The following CDH18 variants were observed in gnomAD, a reference collection of about 807,000 sequenced individuals.
CDH18 encodes the protein cadherin 18.
Under a neutral mutation model 67.9 loss-of-function variants are expected in CDH18, and 31 were observed. The observed-to-expected ratio is 0.46, with a 90% CI of 0.34 to 0.62. CDH18 has a LOEUF of 0.62. Among genes scored for constraint, CDH18 ranks in the 20% least tolerant of loss-of-function variants. CDH18 has a pLI of 0.01. For missense variants in CDH18, 890 were observed against 975.5 expected, an observed-to-expected ratio of 0.91 and a Z score of 1.17; for synonymous variants, 362 against 347.2, an observed-to-expected ratio of 1.04 and a Z score of -0.48.
intron 3 of CDH18, among the ~76,000 whole-genome samples, chr5:19,837,593 A>C (rs1456028989): frequency 1.3e-5 from 2 of 152,008 alleles, no homozygotes; most frequent in African/African-American, 4.8e-5. Context: ...AATATGATAC[A>C]ATTGTTTTAG....
intron 5 of CDH18, among the ~76,000 whole-genome samples, chr5:19,642,894 G>A (rs987546107): frequency 1.3e-5 from 2 of 152,042 alleles, no homozygotes; most frequent in Non-Finnish European, 2.9e-5. Flanking sequence ...CTTAGGGAAT[G>A]TGAGAAAATA....
intron 1 of CDH18, among the ~76,000 whole-genome samples, chr5:20,430,556 T>C (rs1469307428): frequency 6.6e-6 from 1 of 152,204 alleles, no homozygotes; most frequent in East Asian, 1.9e-4. Context: ...GGTATAAAAA[T>C]GTCTCCCTAT....
At chr5:19,727,192 C>T (rs977369861) in intron 4 of CDH18, among the ~76,000 whole-genome samples, 10 of 152,114 alleles carry the variant, frequency 6.6e-5, no homozygotes, top group Admixed American at 3.3e-4. Context: ...AAATCATATC[C>T]TCCCAAATTG....
chr5:19,698,707 T>C lies in CDH18; in HGVS notation c.643+22640A>G, dbSNP rs368858910. The stretch of plus-strand genomic sequence containing the variant: ...GAATTAAAAATAAAAATAATATGTA[T>C]ACATAAATGACACCTTTGAAAAGGG... On this transcript the variant is annotated intron_variant, in intron 5 of 12. Transcript: ENST00000382275. 2.0e-5 allele frequency among the ~76,000 whole-genome samples: 3 copies of C among 151,970 alleles called. No homozygotes were observed. The South Asian group carries it at 6.2e-4, about 31-fold the overall frequency.
intron 1 of CDH18, among the ~76,000 whole-genome samples, chr5:20,309,777 A>G (rs1736825705): frequency 6.6e-6 from 1 of 152,230 alleles, no homozygotes; most frequent in South Asian, 2.1e-4. Context: ...AAATGATTTT[A>G]AAATATGTAG....
intron 11 of CDH18, among the ~76,000 whole-genome samples, chr5:19,497,132 G>C (rs1312986483): frequency 2.0e-5 from 3 of 148,990 alleles, no homozygotes; most frequent in Non-Finnish European, 4.5e-5. Flanking sequence ...CCCCCACCAG[G>C]ACAAAAAAAA....
intron 3 of CDH18, among the ~76,000 whole-genome samples, chr5:19,767,837 A>C (rs1188664891): frequency 3.3e-5 from 5 of 152,194 alleles, no homozygotes; most frequent in Non-Finnish European, 7.4e-5. Flanking sequence ...GAAATTGACC[A>C]AAATCTTGCA....
At chr5:19,656,382 T>C (rs1179333819) in intron 5 of CDH18, among the ~76,000 whole-genome samples, 2 of 152,130 alleles carry the variant, frequency 1.3e-5, no homozygotes, top group Non-Finnish European at 2.9e-5. Context: ...GTAATTTTTG[T>C]AGTAGATAGA....
chr5:19,728,766 T>G (rs140748536), intron 4 of CDH18, among the ~76,000 whole-genome samples: 1 of 152,282 alleles, frequency 6.6e-6, no homozygotes, highest in African/African-American at 2.4e-5. Context: ...AATAAGAACT[T>G]TGAGTAAAAA....
chr5:19,571,002 T>C (rs1262632183), intron 8 of CDH18, among the ~76,000 whole-genome samples: 2 of 152,236 alleles, frequency 1.3e-5, no homozygotes, highest in Admixed American at 6.5e-5. Context: ...TCAGAGTTTT[T>C]TGCACCCTAT....
chr5:19,761,180 T>C (rs1772293334), intron 3 of CDH18, among the ~76,000 whole-genome samples: 1 of 152,154 alleles, frequency 6.6e-6, no homozygotes. Flanking sequence ...TTTTCCGCAA[T>C]TTCAGCTGTT....
chr5:20,172,904 C>T lies in CDH18; in HGVS notation c.-518+82540G>A, dbSNP rs1045035197. ...ACTCAGGAGGCTGAGACAGGAGAAA[C>T]GTTTGAACCCGAGAGGCGGAGGTTG... On this transcript the variant is annotated intron_variant, in intron 2 of 14. Coordinates refer to the CDH18 transcript ENST00000507958. Among the ~76,000 whole-genome samples, 84 of 151,434 alleles carry T rather than the reference C, an allele frequency of 5.5e-4. 1 individual carries two copies. Among genetic ancestry groups the T allele is most frequent in the African/African-American group, 1.9e-3 (78 of 41,268 alleles).
chr5:19,540,192 A>AG (rs1278243129), intron 9 of CDH18, among the ~76,000 whole-genome samples: 6 of 152,128 alleles, frequency 3.9e-5, no homozygotes, highest in Admixed American at 3.9e-4. Flanking sequence ...GAAATCCAGC[A>AG]GGGCAGTCAA....
chr5:20,270,506 A>G (rs528344462), intron 1 of CDH18, among the ~76,000 whole-genome samples: 1 of 152,214 alleles, frequency 6.6e-6, no homozygotes, highest in East Asian at 1.9e-4. Flanking sequence ...GGTTGTGGAG[A>G]AAAAAGGAAT....
intron 2 of CDH18, among the ~76,000 whole-genome samples, chr5:19,873,890 C>T (rs1395393851): frequency 6.6e-6 from 1 of 152,086 alleles, no homozygotes; most frequent in Non-Finnish European, 1.5e-5. Context: ...TCAGGGAATC[C>T]GCCCACCTCG....
At chr5:19,605,620 C>T (rs1254849498) in intron 6 of CDH18, among the ~76,000 whole-genome samples, 1 of 151,930 alleles carries the variant, frequency 6.6e-6, no homozygotes, top group Non-Finnish European at 1.5e-5. Context: ...TATAAAACAA[C>T]TCTAAAAGAT....
At position 20,081,037 on chromosome 5, in the gene CDH18, C is replaced by T. The variant is rs371251191; in HGVS notation, c.-517-89023G>A. On this transcript the variant is annotated intron_variant, in intron 2 of 14. Coordinates refer to the CDH18 transcript ENST00000507958. ...AAGATTTTTTATTTAATTACTATCA[C>T]CAAGTACTATGGCTGTTTTAAAATA... 6.2e-4 allele frequency among the ~76,000 whole-genome samples: 95 copies of T among 152,132 alleles called. No homozygotes were observed. The South Asian group carries it at 0.016, about 25-fold the overall frequency.
At chr5:19,560,838 G>C (rs1470249468) in intron 8 of CDH18, among the ~76,000 whole-genome samples, 1 of 151,956 alleles carries the variant, frequency 6.6e-6, no homozygotes, top group East Asian at 1.9e-4. Context: ...CCATCAAAAA[G>C]TGGGCTAAGG....
chr5:19,870,430 T>C (rs189366214), intron 2 of CDH18, among the ~76,000 whole-genome samples: 3 of 152,294 alleles, frequency 2.0e-5, no homozygotes, highest in African/African-American at 7.2e-5. Context: ...TTCACCATTA[T>C]ATATTTTTAT....
Sources: allele counts gnomAD v4.1 joint callset (sites outside exome capture counted in the v4.1 genomes callset), GRCh38; gene constraint gnomAD v4.1.1; transcripts MANE v1.5; gene names NCBI Gene and HGNC (gene_info 2026-07-23, HGNC 2026-07-21).